Variants in ZBTB7C observed in about 807,000 individuals in gnomAD.
The protein encoded by ZBTB7C is zinc finger and BTB domain containing 7C.
A neutral mutation model predicts 25.7 loss-of-function variants in ZBTB7C; 8 were observed. The ratio of observed to expected loss-of-function variants is 0.31; its 90% CI spans 0.18 to 0.56. ZBTB7C has a LOEUF of 0.56. ZBTB7C is among the 20% of genes least tolerant of loss of function. The pLI is 0.91. For missense variants in ZBTB7C, 824 were observed against 855.2 expected, an observed-to-expected ratio of 0.96 and a Z score of 0.46; for synonymous variants, 394 against 369.0, an observed-to-expected ratio of 1.07 and a Z score of -0.78.
chr18:48,326,025 G>A (rs938181671), intron 2 of ZBTB7C, among the ~76,000 whole-genome samples: 20 of 151,836 alleles, frequency 1.3e-4, no homozygotes, highest in Admixed American at 4.6e-4. Context: ...CTGGGGGACA[G>A]AGCATAAGGA....
intron 3 of ZBTB7C, among the ~76,000 whole-genome samples, chr18:48,100,313 G>T (rs565830226): frequency 2.0e-5 from 3 of 152,338 alleles, no homozygotes; most frequent in Admixed American, 1.3e-4. Context: ...ACAGGCAAAA[G>T]TTAAGCCCCT....
rs561444283 is a variant in ZBTB7C, at chr18:48,323,384, G to A, written c.-79+14790C>T. 1.6e-4 allele frequency among the ~76,000 whole-genome samples: 24 copies of A among 152,268 alleles called. No homozygotes were observed. In the Middle Eastern group the frequency reaches 0.01, roughly 65 times the overall value. On this transcript the variant is annotated intron_variant, in intron 2 of 4. Coordinates refer to ENST00000590800, the MANE Select transcript of ZBTB7C (RefSeq NM_001318841.2). Reference sequence around the variant, plus strand: ...CTCACAACATTCCTCTGGGGAAGGCGTTGTCCCTATTTTACAGCTGGAGAA... The same window carrying A: ...CTCACAACATTCCTCTGGGGAAGGCATTGTCCCTATTTTACAGCTGGAGAA...
intron 4 of ZBTB7C, among the ~76,000 whole-genome samples, chr18:48,032,106 TTTTTTA>T (rs1050689859): frequency 2.0e-5 from 3 of 152,024 alleles, no homozygotes; most frequent in African/African-American, 4.8e-5. Flanking sequence ...TGAGGTAGGT[TTTTTTA>T]TTTTTATTTT....
intron 3 of ZBTB7C, among the ~76,000 whole-genome samples, chr18:48,069,232 C>T (rs780022744): frequency 2.6e-5 from 4 of 152,196 alleles, no homozygotes; most frequent in East Asian, 1.9e-4. Context: ...GTGGGTGGCA[C>T]GCCTGTTACC....
At chr18:48,118,852 T>C (rs1209069151) in intron 3 of ZBTB7C, among the ~76,000 whole-genome samples, 1 of 152,212 alleles carries the variant, frequency 6.6e-6, no homozygotes, top group Non-Finnish European at 1.5e-5. Flanking sequence ...ATCAAAACAT[T>C]AACAATATCA....
chr18:48,184,377 T>A (rs568782558), intron 3 of ZBTB7C, among the ~76,000 whole-genome samples: 55 of 152,298 alleles, frequency 3.6e-4, no homozygotes, highest in African/African-American at 1.3e-3. Context: ...AGTGTGGACG[T>A]CTTAGGCAGC....
At chr18:48,097,382 G>GTTATTATTA (rs1555691088) in intron 3 of ZBTB7C, among the ~76,000 whole-genome samples, 8,074 of 144,886 alleles carry the variant, frequency 0.056, 401 homozygotes, top group African/African-American at 0.13. Flanking sequence ...TATTGTTGTT[G>GTTATTATTA]TTATTATTAT....
Position 48,330,826 on chromosome 18 carries a change from G to A in ZBTB7C, c.-79+7348C>T, listed in dbSNP as rs906169265. On this transcript the variant is annotated intron_variant, in intron 2 of 4. Transcript: ENST00000590800. ...CAGGGGGAGCATCTACCCCAGCTCCGGACAGGTAGGACTTGGGCCCCCAAA... is the reference window on the plus strand; with the variant it reads ...CAGGGGGAGCATCTACCCCAGCTCCAGACAGGTAGGACTTGGGCCCCCAAA... Among the ~76,000 whole-genome samples the A allele has an allele frequency of 6.6e-5, 10 of 152,142 alleles. No homozygotes were observed. In the South Asian group the frequency reaches 8.3e-4, roughly 13 times the overall value.
intron 3 of ZBTB7C, among the ~76,000 whole-genome samples, chr18:48,066,327 C>T (rs1233144320): frequency 3.9e-5 from 6 of 152,316 alleles, no homozygotes; most frequent in African/African-American, 4.8e-5. Flanking sequence ...GTACACCCCA[C>T]GGATGTGGGT....
intron 1 of ZBTB7C, among the ~76,000 whole-genome samples, chr18:48,366,562 G>A (rs927713738): frequency 1.3e-5 from 2 of 152,148 alleles, no homozygotes; most frequent in South Asian, 2.1e-4. Flanking sequence ...TCCTTGCTAC[G>A]TAATTATTGT....
At chr18:48,382,113 G>A (rs1034090791) in intron 1 of ZBTB7C, among the ~76,000 whole-genome samples, 1 of 152,326 alleles carries the variant, frequency 6.6e-6, no homozygotes, top group East Asian at 1.9e-4. Flanking sequence ...TGCAATGAAA[G>A]AGAGCTAAAT....
At chr18:48,113,889 C>T (rs2039332866) in intron 3 of ZBTB7C, among the ~76,000 whole-genome samples, 1 of 152,220 alleles carries the variant, frequency 6.6e-6, no homozygotes, top group South Asian at 2.1e-4. Context: ...CACCGCTGCA[C>T]CAGGAGCCTG....
At chr18:48,397,773 T>TA (rs1419887132) in intron 1 of ZBTB7C, among the ~76,000 whole-genome samples, 1 of 152,196 alleles carries the variant, frequency 6.6e-6, no homozygotes, top group Non-Finnish European at 1.5e-5. Context: ...AGCATAAGCT[T>TA]ATATATGTCT....
chr18:48,263,277 C>T (rs1313027945), intron 2 of ZBTB7C, among the ~76,000 whole-genome samples: 2 of 152,224 alleles, frequency 1.3e-5, no homozygotes, highest in African/African-American at 4.8e-5. Flanking sequence ...GTCCTCTGGG[C>T]CCCCAGTACA....
chr18:48,258,431 C>A (rs138387422), intron 2 of ZBTB7C, among the ~76,000 whole-genome samples: 1 of 152,012 alleles, frequency 6.6e-6, no homozygotes, highest in African/African-American at 2.4e-5. Context: ...ATACTAGCAA[C>A]AATAGGAAAT....
At chr18:48,154,739 G>A (rs1466611147) in intron 3 of ZBTB7C, among the ~76,000 whole-genome samples, 1 of 151,980 alleles carries the variant, frequency 6.6e-6, no homozygotes, top group African/African-American at 2.4e-5. Context: ...TAATGCACTC[G>A]CCCTCACCCT....
intron 1 of ZBTB7C, among the ~76,000 whole-genome samples, chr18:48,398,693 G>A (rs1050497585): frequency 4.0e-5 from 6 of 151,324 alleles, no homozygotes; most frequent in East Asian, 1.9e-4. Flanking sequence ...CCCCCACAAC[G>A]TGAGCACCAT....
intron 2 of ZBTB7C, among the ~76,000 whole-genome samples, chr18:48,250,135 A>G (rs1381704279): frequency 6.6e-6 from 1 of 152,180 alleles, no homozygotes; most frequent in African/African-American, 2.4e-5. Flanking sequence ...CCCCAGTGAC[A>G]TGCGCAGGGG....
At chr18:48,392,118 T>C (rs2047916824) in intron 1 of ZBTB7C, among the ~76,000 whole-genome samples, 1 of 152,202 alleles carries the variant, frequency 6.6e-6, no homozygotes, top group African/African-American at 2.4e-5. Context: ...AGGGAAGGCC[T>C]CTAAGTAAGA....
Sources: gnomAD v4.1 joint callset for allele counts (sites outside exome capture counted in the v4.1 genomes callset) on GRCh38, gnomAD v4.1.1 for gene constraint, MANE v1.5 for transcripts, NCBI Gene and HGNC (gene_info 2026-07-23, HGNC 2026-07-21) for gene names.